Variants in ACTR1A observed in about 807,000 individuals in gnomAD.
The protein encoded by ACTR1A is alpha-centractin.
Under a neutral mutation model 50.7 loss-of-function variants are expected in ACTR1A, and 10 were observed. The observed-to-expected ratio is 0.20, with a 90% confidence interval of 0.12 to 0.33. The LOEUF is 0.33. Among genes scored for constraint, ACTR1A ranks in the 10% least tolerant of loss-of-function variants. The probability of loss-of-function intolerance (pLI) is 1.00; values close to 1 mark genes in which losing one functional copy is unlikely to be tolerated. For synonymous variants in ACTR1A, 177 were observed against 184.2 expected (o/e 0.96, Z 0.32); for missense variants, 253 against 491.7 (o/e 0.51, Z 4.59).
chr10:102,480,714 C>T lies in ACTR1A; in HGVS notation c.*149G>A. On this transcript the variant is annotated 3_prime_UTR_variant, in exon 11 of 11. Coordinates refer to ENST00000369905, the MANE Select transcript of ACTR1A (RefSeq NM_005736.4). ...CATCGTCCTTTCTGGGCCCAGGGTCCCAGGGCCACACGGCACTCGCATGTG... is the reference window on the plus strand; with the variant it reads ...CATCGTCCTTTCTGGGCCCAGGGTCTCAGGGCCACACGGCACTCGCATGTG... 1 of 706,924 alleles carries T rather than the reference C, an allele frequency of 1.4e-6. No homozygotes were observed. Among genetic ancestry groups the T allele is most frequent in the Admixed American group, 2.2e-5 (1 of 45,372 alleles). The allele number at this position is 706,924 out of a possible 1,614,324, so 43.8% of individuals were successfully genotyped here.
At chr10:102,490,719 G>T in intron 1 of ACTR1A, 106 bp from the exon 2 acceptor site, 2 of 908,464 alleles carry the variant, frequency 2.2e-6, no homozygotes, top group Admixed American at 2.1e-5. Flanking sequence ...GCGGCCGGGC[G>T]CAGTGGCTCA....
Position 102,479,802 on chromosome 10 carries a change from A to T in ACTR1A, c.*1061T>A. ...CCTCCCTTGCTTAGGGGCCTCTGCCAAAGAAAAATTTTACCTCCTGTTTCA... is the reference window on the plus strand; with the variant it reads ...CCTCCCTTGCTTAGGGGCCTCTGCCTAAGAAAAATTTTACCTCCTGTTTCA... On this transcript the variant is annotated 3_prime_UTR_variant, in exon 11 of 11. Coordinates refer to ENST00000369905, the MANE Select transcript of ACTR1A (RefSeq NM_005736.4). This position sits in a 1 kb window ranked among gnomAD's most constrained non-coding sequence, Gnocchi z 4.0. 1.5e-6 allele frequency: 1 copy of T among 683,610 alleles called. No homozygotes were observed. The highest frequency in any genetic ancestry group is 1.9e-5 in the South Asian group (1 of 52,126). The allele number at this position is 683,610 out of a possible 1,614,324, so 42.3% of individuals were successfully genotyped here.
intron 1 of ACTR1A, among the ~76,000 whole-genome samples, chr10:102,492,428 C>T (rs547860455): frequency 2.6e-5 from 4 of 152,128 alleles, no homozygotes; most frequent in Non-Finnish European, 5.9e-5. Context: ...TCTAACCCAA[C>T]ATGGTTTGCA....
In ACTR1A at chr10:102,479,519, C is replaced by A; in HGVS notation, c.*1344G>T. On this transcript the variant is annotated 3_prime_UTR_variant, in exon 11 of 11. Coordinates refer to ENST00000369905, the MANE Select transcript of ACTR1A (RefSeq NM_005736.4). This position sits in a 1 kb window ranked among gnomAD's most constrained non-coding sequence, Gnocchi z 4.0. ...GAGGGTGCCGGTGAAGACAGGCTGG[C>A]CCCAGCTTTGCACCATCTAGGCTGA... 1.1e-6 allele frequency: 1 copy of A among 921,852 alleles called. No homozygotes were observed. The highest frequency in any genetic ancestry group is 1.5e-6 in the Non-Finnish European group (1 of 672,846). The allele number at this position is 921,852 out of a possible 1,614,324, so 57.1% of individuals were successfully genotyped here.
At chr10:102,499,954 G>A (rs534465036) in intron 1 of ACTR1A, among the ~76,000 whole-genome samples, 61 of 152,214 alleles carry the variant, frequency 4.0e-4, no homozygotes, top group Non-Finnish European at 7.3e-4. Flanking sequence ...CATTTATTGA[G>A]CACACAGAGG....
At chr10:102,486,241 C>T (rs890632032) in intron 4 of ACTR1A, among the ~76,000 whole-genome samples, 1 of 152,154 alleles carries the variant, frequency 6.6e-6, no homozygotes, top group Non-Finnish European at 1.5e-5. Context: ...AGGTTGGGCA[C>T]TCCTTATGAG....
At chr10:102,485,860 A>G in intron 4 of ACTR1A, 127 bp from the exon 5 acceptor site, 7 of 1,366,410 alleles carry the variant, frequency 5.1e-6, no homozygotes, top group Non-Finnish European at 7.0e-6. Context: ...ACTCCAAAAA[A>G]AGGCAAGCTG....
chr10:102,498,027 G>T (rs1589965655), intron 1 of ACTR1A, among the ~76,000 whole-genome samples: 1 of 151,732 alleles, frequency 6.6e-6, no homozygotes, highest in Non-Finnish European at 1.5e-5. Context: ...GCAAGCTGAG[G>T]CTGCAGTGAG....
At chr10:102,489,268 G>A (rs1212158485) in intron 2 of ACTR1A, 130 bp from the exon 3 acceptor site, 9 of 508,210 alleles carry the variant, frequency 1.8e-5, no homozygotes, top group Non-Finnish European at 2.2e-5. Flanking sequence ...AGTTGATTTT[G>A]ATTTTCTTCT....
chr10:102,492,069 C>CTTTT lies in ACTR1A; in HGVS notation c.49-1460_49-1457dup, dbSNP rs71016386. On this transcript the variant is annotated intron_variant, in intron 1 of 10. Coordinates refer to ENST00000369905, the MANE Select transcript of ACTR1A (RefSeq NM_005736.4). ...TAGGCGTGAGCCCACCGTGCCCGGC[C>CTTTT]TTTTTTTTTTTTTTTTTTTGAGACA... Among the ~76,000 whole-genome samples, 78 of 92,328 alleles carry CTTTT rather than the reference C, an allele frequency of 8.4e-4. 1 individual carries two copies. The highest frequency in any genetic ancestry group is 1.8e-3 in the African/African-American group (40 of 21,874). 60.6% of individuals were successfully genotyped at this position (92,328 alleles called of 152,430 possible).
chr10:102,480,466 G>A lies in ACTR1A; in HGVS notation c.*397C>T. The A allele has an allele frequency of 4.7e-6, 1 of 212,518 alleles. No homozygotes were observed. The highest frequency in any genetic ancestry group is 8.5e-5 in the South Asian group (1 of 11,804). 13.2% of individuals were successfully genotyped at this position (212,518 alleles called of 1,614,324 possible). A position where few individuals can be genotyped will look rare whatever the true frequency, so the allele number is the denominator to read the frequency against. Reference sequence around the variant, plus strand: ...GCCTGGGGCCTCAGGGCACCCTGGGGGTGGGGGTGAGGGTGGGGCCAGCCC... The same window carrying A: ...GCCTGGGGCCTCAGGGCACCCTGGGAGTGGGGGTGAGGGTGGGGCCAGCCC... On this transcript the variant is annotated 3_prime_UTR_variant, in exon 11 of 11. Coordinates refer to ENST00000369905, the MANE Select transcript of ACTR1A (RefSeq NM_005736.4).
Position 102,489,060 on chromosome 10 carries a change from T to C in ACTR1A, c.189+3A>G. The C allele has an allele frequency of 6.4e-7, 1 of 1,561,742 alleles. No homozygotes were observed. Among genetic ancestry groups the C allele is most frequent in the Non-Finnish European group, 8.7e-7 (1 of 1,152,842 alleles). The stretch of plus-strand genomic sequence containing the variant: ...AGGCTTGTTCTGTAGGCCTGGGAAT[T>C]ACCTCAGCTTTGGGGCCAATGAAGA... On this transcript the variant is annotated splice_donor_region_variant and intron_variant, in intron 3 of 10. Coordinates refer to ENST00000369905, the MANE Select transcript of ACTR1A (RefSeq NM_005736.4).
In ACTR1A at chr10:102,484,152, G is replaced by A. The variant is rs1230795925; in HGVS notation, c.657+8C>T. Reference sequence around the variant, plus strand: ...ACTCCATCCCTAGGCCCAGGGGGCAGCACTTACTTCTTTTATGGCCTTGAC... The same window carrying A: ...ACTCCATCCCTAGGCCCAGGGGGCAACACTTACTTCTTTTATGGCCTTGAC... On this transcript the variant is annotated splice_region_variant and intron_variant, in intron 6 of 10. Coordinates refer to ENST00000369905, the MANE Select transcript of ACTR1A (RefSeq NM_005736.4). 1.2e-6 allele frequency: 2 copies of A among 1,613,730 alleles called. No homozygotes were observed. Among genetic ancestry groups the A allele is most frequent in the South Asian group, 1.1e-5 (1 of 91,058 alleles).
In ACTR1A at chr10:102,480,672, C is replaced by G. The variant is rs2062134257; in HGVS notation, c.*191G>C. 1.6e-6 allele frequency: 1 copy of G among 610,740 alleles called. No individual in the cohort carries two copies. The allele number at this position is 610,740 out of a possible 1,614,324, so 37.8% of individuals were successfully genotyped here. On this transcript the variant is annotated 3_prime_UTR_variant, in exon 11 of 11. Coordinates refer to ENST00000369905, the MANE Select transcript of ACTR1A (RefSeq NM_005736.4). ...TGGTCAACCCCAGGCCTCAGGCCAT[C>G]ACCACTGCAGGTAGTTCATCGTCCT...
chr10:102,489,993 T>C (rs1158780427), intron 2 of ACTR1A, among the ~76,000 whole-genome samples: 1 of 152,054 alleles, frequency 6.6e-6, no homozygotes, highest in African/African-American at 2.4e-5. Flanking sequence ...CCCAGCACTT[T>C]GGGAGGCCGA....
At chr10:102,485,873 C>T (rs1428121414) in intron 4 of ACTR1A, 140 bp from the exon 5 acceptor site, 3 of 1,197,610 alleles carry the variant, frequency 2.5e-6, no homozygotes, top group African/African-American at 3.1e-5. Flanking sequence ...GCAAGCTGTG[C>T]CTGTCAACTA....
rs1424212289 is a variant in ACTR1A at position 102,483,000 on chromosome 10, A to C, written c.750+11T>G. 2 of 1,609,660 alleles carry C rather than the reference A, an allele frequency of 1.2e-6. No homozygotes were observed. Among genetic ancestry groups the C allele is most frequent in the Non-Finnish European group, 1.7e-6 (2 of 1,175,968 alleles). On this transcript the variant is annotated intron_variant, in intron 7 of 10. Transcript: ENST00000369905. The surrounding 1 kb of genome is among the most constrained non-coding windows in gnomAD (Gnocchi z 5.6). ...CCTAAGGGGACCGAAGAAAGAAGGC[A>C]GGCCACCTACCTCAATGGTGCTGCC...
intron 1 of ACTR1A, among the ~76,000 whole-genome samples, chr10:102,500,547 C>A (rs2135591378): frequency 6.6e-6 from 1 of 151,532 alleles, no homozygotes; most frequent in Non-Finnish European, 1.5e-5. Flanking sequence ...CCAGCCTGGG[C>A]GACAGTGAGA....
chr10:102,481,260 G>A, intron 9 of ACTR1A, 88 bp from the exon 10 acceptor site: 2 of 1,400,008 alleles, frequency 1.4e-6, no homozygotes, highest in Non-Finnish European at 1.9e-6. Context: ...CCATGGCAGG[G>A]GATACATTTT....
Sources: allele counts gnomAD v4.1 joint callset (sites outside exome capture counted in the v4.1 genomes callset), GRCh38; gene constraint gnomAD v4.1.1; non-coding constraint Gnocchi (gnomAD v3.1); transcripts MANE v1.5; gene names NCBI Gene and HGNC (gene_info 2026-07-23, HGNC 2026-07-21).